The following BOLA3 variants were observed in gnomAD, a reference collection of about 807,000 sequenced individuals.
The protein encoded by BOLA3 is bolA-like protein 3.
In BOLA3, 8 loss-of-function variants were observed where a neutral mutation model predicts 14.5. The ratio of observed to expected loss-of-function variants is 0.55; its 90% CI spans 0.32 to 0.99. The LOEUF (loss-of-function observed/expected upper bound fraction) is 0.99. BOLA3 is among the 50% of genes least tolerant of loss of function. The probability of loss-of-function intolerance (pLI) is 0.04; values close to 1 mark genes in which losing one functional copy is unlikely to be tolerated. For synonymous variants in BOLA3, 42 were observed against 45.7 expected, an observed-to-expected ratio of 0.92 and a Z score of 0.33; for missense variants, 115 against 138.2, an observed-to-expected ratio of 0.83 and a Z score of 0.84.
At chr2:74,146,402 CT>C (rs1292605430) in intron 1 of BOLA3, 1 of 152,730 alleles carries the variant, frequency 6.5e-6, no homozygotes, top group East Asian at 1.9e-4. Context: ...AAAAGGCAGA[CT>C]GGGAATGGAG....
At chr2:74,146,483 T>C (rs1344998687) in intron 1 of BOLA3, 1 of 152,296 alleles carries the variant, frequency 6.6e-6, no homozygotes, top group Non-Finnish European at 1.5e-5. Flanking sequence ...CTCCAGGTGA[T>C]AGAACCCAGG....
intron 1 of BOLA3, chr2:74,146,546 G>A (rs887590001): frequency 6.6e-6 from 1 of 152,352 alleles, no homozygotes; most frequent in African/African-American, 2.4e-5. Flanking sequence ...AGCGAGTCAG[G>A]AGAGATGCCC....
chr2:74,145,665 T>G (rs1412541141), intron 1 of BOLA3: 1 of 327,666 alleles, frequency 3.1e-6, no homozygotes, highest in Non-Finnish European at 5.9e-6. Context: ...TGCCCAAGGT[T>G]GAATTCGGTA....
At chr2:74,140,611 C>A (rs1466912461) in intron 3 of BOLA3, among the ~76,000 whole-genome samples, 2 of 152,318 alleles carry the variant, frequency 1.3e-5, no homozygotes, top group East Asian at 1.9e-4. Flanking sequence ...CCAGAAGACA[C>A]CTTAATCCCA....
At chr2:74,143,252 T>C (rs563363465) in intron 2 of BOLA3, among the ~76,000 whole-genome samples, 1 of 151,964 alleles carries the variant, frequency 6.6e-6, no homozygotes, top group South Asian at 2.1e-4. Context: ...GCCTCCCAGG[T>C]TCACACCATT....
chr2:74,140,060 G>T lies in BOLA3; in HGVS notation c.258+2212C>A, dbSNP rs1692410436. Among the ~76,000 whole-genome samples the T allele has an allele frequency of 3.3e-5, 5 of 152,294 alleles. No individual in the cohort carries two copies. The South Asian group carries it at 1.0e-3, about 32-fold the overall frequency. On this transcript the variant is annotated intron_variant, in intron 3 of 3. Transcript: ENST00000327428. Reference sequence around the variant, plus strand: ...GCACTTTGGGAGGCCGAGGCAGGTGGATCACCTGAAGTCAGGAGTTCGAGA... The same window carrying T: ...GCACTTTGGGAGGCCGAGGCAGGTGTATCACCTGAAGTCAGGAGTTCGAGA...
intron 1 of BOLA3, chr2:74,146,153 C>G (rs948089130): frequency 1.3e-5 from 2 of 152,204 alleles, no homozygotes; most frequent in East Asian, 3.9e-4. Context: ...CCACCACGCT[C>G]GGCAAATTTT....
chr2:74,145,507 C>A lies in BOLA3; in HGVS notation c.55-204G>T. 3 of 595,254 alleles carry A rather than the reference C, an allele frequency of 5.0e-6. No homozygotes were observed. In the South Asian group the frequency reaches 5.8e-5, roughly 11 times the overall value. 36.9% of individuals were successfully genotyped at this position (595,254 alleles called of 1,614,324 possible). A position where few individuals can be genotyped will look rare whatever the true frequency, so the allele number is the denominator to read the frequency against. On this transcript the variant is annotated intron_variant, in intron 1 of 3. Coordinates refer to ENST00000327428, the MANE Select transcript of BOLA3 (RefSeq NM_212552.3). Reference sequence around the variant, plus strand: ...AAAACACAGAATAAACTTTTATTGGCGGGGACAGGATGATTGTTAATAACT... The same window carrying A: ...AAAACACAGAATAAACTTTTATTGGAGGGGACAGGATGATTGTTAATAACT...
At chr2:74,136,230 G>A (rs774051407) in intron 3 of BOLA3, among the ~76,000 whole-genome samples, 41 of 152,118 alleles carry the variant, frequency 2.7e-4, no homozygotes, top group Non-Finnish European at 5.0e-4. Flanking sequence ...AATTACAAGC[G>A]TGAGCCACTG....
intron 1 of BOLA3, chr2:74,147,520 C>CTT: frequency 2.3e-6 from 1 of 444,216 alleles, no homozygotes; most frequent in Non-Finnish European, 4.0e-6. Flanking sequence ...TAAACCAATC[C>CTT]TTTTTTTTTC....
At chr2:74,147,607 T>A (rs960832319) in intron 1 of BOLA3, 1 of 617,414 alleles carries the variant, frequency 1.6e-6, no homozygotes, top group Non-Finnish European at 2.9e-6. Context: ...GGAGCTCCCC[T>A]AGAGCGCGCC....
chr2:74,139,260 T>C (rs537812734), intron 3 of BOLA3, among the ~76,000 whole-genome samples: 1 of 152,234 alleles, frequency 6.6e-6, no homozygotes, highest in South Asian at 2.1e-4. Flanking sequence ...AAATTCTGAC[T>C]CTACAGCACC....
chr2:74,142,818 A>T (rs1052422248), intron 2 of BOLA3, among the ~76,000 whole-genome samples: 2 of 152,268 alleles, frequency 1.3e-5, no homozygotes, highest in African/African-American at 4.8e-5. Context: ...AAGAAAGGAA[A>T]GAACCAGGGG....
intron 3 of BOLA3, among the ~76,000 whole-genome samples, chr2:74,137,924 TG>T (rs1692363780): frequency 6.6e-6 from 1 of 152,258 alleles, no homozygotes; most frequent in Non-Finnish European, 1.5e-5. Flanking sequence ...AGACTGTGTC[TG>T]TGCCTGGACC....
chr2:74,138,744 G>C (rs1164355663), intron 3 of BOLA3, among the ~76,000 whole-genome samples: 2 of 152,220 alleles, frequency 1.3e-5, no homozygotes, highest in South Asian at 4.1e-4. Flanking sequence ...AATCCCCTAA[G>C]CTGGAAAGAG....
At chr2:74,137,791 C>T (rs1331258920) in intron 3 of BOLA3, among the ~76,000 whole-genome samples, 2 of 152,164 alleles carry the variant, frequency 1.3e-5, no homozygotes, top group Non-Finnish European at 2.9e-5. Context: ...TCCAGCTCCA[C>T]AATCAAGTGC....
At chr2:74,136,138 C>T (rs538386672) in intron 3 of BOLA3, among the ~76,000 whole-genome samples, 23 of 152,084 alleles carry the variant, frequency 1.5e-4, no homozygotes, top group African/African-American at 5.5e-4. Flanking sequence ...TTTGTAGAGG[C>T]AGGGTCTCAC....
rs192766262 is a variant in BOLA3 at position 74,136,339 on chromosome 2, C to T, written c.259-681G>A. ...TATTTCACCCCATGACCTTTTAAAA[C>T]GCAAATGGTTAAAATTTCAAACACA... On this transcript the variant is annotated intron_variant, in intron 3 of 3. Transcript: ENST00000327428. 7.7e-3 allele frequency among the ~76,000 whole-genome samples: 1,168 copies of T among 152,294 alleles called. 6 individuals carry two copies. Among genetic ancestry groups the T allele is most frequent in the Non-Finnish European group, 0.013 (907 of 68,014 alleles).
At chr2:74,140,153 G>A (rs886990934) in intron 3 of BOLA3, among the ~76,000 whole-genome samples, 10 of 152,074 alleles carry the variant, frequency 6.6e-5, no homozygotes, top group African/African-American at 1.9e-4. Flanking sequence ...GTGTGGTGGC[G>A]GGCGCCTGTA....
Sources: allele counts gnomAD v4.1 joint callset (sites outside exome capture counted in the v4.1 genomes callset), GRCh38; gene constraint gnomAD v4.1.1; transcripts MANE v1.5; gene names NCBI Gene and HGNC (gene_info 2026-07-23, HGNC 2026-07-21).